The following EIPR1 variants were observed in gnomAD, a reference collection of about 807,000 sequenced individuals.
The protein encoded by EIPR1 is EARP complex and GARP complex interacting protein 1, also known as EARP and GARP complex-interacting protein 1.
A neutral mutation model predicts 48.1 loss-of-function variants in EIPR1; 25 were observed. The observed-to-expected ratio is 0.52, with a 90% CI of 0.38 to 0.73. The LOEUF (loss-of-function observed/expected upper bound fraction) is 0.73, where lower values mean the gene tolerates loss of function less well. Among genes scored for constraint, EIPR1 ranks in the 30% least tolerant of loss-of-function variants. The pLI is 0.00. For synonymous variants in EIPR1, 204 were observed against 201.9 expected, an observed-to-expected ratio of 1.01 and a Z score of -0.09; for missense variants, 415 against 506.2, an observed-to-expected ratio of 0.82 and a Z score of 1.73.
intron 4 of EIPR1, among the ~76,000 whole-genome samples, chr2:3,252,806 G>A (rs112559759): frequency 2.6e-4 from 39 of 152,120 alleles, no homozygotes; most frequent in Non-Finnish European, 4.0e-4. Context: ...GGGACCTGAG[G>A]GGCCCTTACA....
chr2:3,310,652 CAAAAAAA>C (rs751422009), intron 3 of EIPR1, among the ~76,000 whole-genome samples: 2 of 55,296 alleles, frequency 3.6e-5, no homozygotes, highest in African/African-American at 6.1e-5. Flanking sequence ...GACTCCGTCT[CAAAAAAA>C]AAAAAAAAAA....
chr2:3,191,999 C>T (rs1664621249), intron 8 of EIPR1, among the ~76,000 whole-genome samples: 1 of 152,156 alleles, frequency 6.6e-6, no homozygotes, highest in Admixed American at 6.5e-5. Context: ...AGCTGATGGC[C>T]AACAACCCGA....
chr2:3,192,884 A>C (rs1431725517), intron 7 of EIPR1, among the ~76,000 whole-genome samples: 1 of 152,142 alleles, frequency 6.6e-6, no homozygotes, highest in Non-Finnish European at 1.5e-5. Context: ...AAAAAAAAAA[A>C]ATACTGTCCC....
intron 3 of EIPR1, among the ~76,000 whole-genome samples, chr2:3,269,442 CCA>C (rs1667615099): frequency 2.1e-5 from 1 of 47,916 alleles, no homozygotes; most frequent in African/African-American, 8.9e-5. Context: ...TCAATCATCA[CCA>C]CACTCAATCA....
intron 3 of EIPR1, among the ~76,000 whole-genome samples, chr2:3,268,849 G>A (rs1184856954): frequency 6.6e-6 from 1 of 152,202 alleles, no homozygotes; most frequent in Non-Finnish European, 1.5e-5. Flanking sequence ...GCCGACTTTG[G>A]TGGGGCTTTT....
chr2:3,344,350 C>T (rs1474559667), intron 2 of EIPR1, among the ~76,000 whole-genome samples: 1 of 152,238 alleles, frequency 6.6e-6, no homozygotes, highest in Non-Finnish European at 1.5e-5. Flanking sequence ...GGGCCCATAT[C>T]GCTGCTTTTC....
At chr2:3,218,691 G>C (rs1213647181) in intron 4 of EIPR1, among the ~76,000 whole-genome samples, 784 of 63,354 alleles carry the variant, frequency 0.012, no homozygotes, top group Middle Eastern at 0.098. Flanking sequence ...GAGTCAGGTG[G>C]ACACCCAACA....
chr2:3,294,095 C>T (rs1413827787), intron 3 of EIPR1, among the ~76,000 whole-genome samples: 1 of 152,082 alleles, frequency 6.6e-6, no homozygotes, highest in African/African-American at 2.4e-5. Flanking sequence ...TTAACAAATA[C>T]ATTTAAAGTC....
rs1355318938 is a variant in EIPR1 at position 3,339,885 on chromosome 2, G to A, written c.127-1736C>T. On this transcript the variant is annotated intron_variant, in intron 2 of 8. Coordinates refer to ENST00000382125, the MANE Select transcript of EIPR1 (RefSeq NM_003310.5). ...GAATGGCGTGAACCCGGGAGGCGGA[G>A]CCTGCAGTGAGCCGAGATGGCGCCA... Among the ~76,000 whole-genome samples the A allele has an allele frequency of 3.9e-5, 6 of 152,366 alleles. 1 individual carries two copies. Among genetic ancestry groups the A allele is most frequent in the Admixed American group, 3.9e-4 (6 of 15,308 alleles).
At chr2:3,303,496 C>T (rs1332273263) in intron 3 of EIPR1, among the ~76,000 whole-genome samples, 1 of 152,254 alleles carries the variant, frequency 6.6e-6, no homozygotes, top group African/African-American at 2.4e-5. Context: ...GCAGTGGCAG[C>T]CCCCACTGTC....
At chr2:3,330,104 C>A (rs12623700) in intron 3 of EIPR1, among the ~76,000 whole-genome samples, 42,065 of 152,128 alleles carry the variant, frequency 0.28, 7,824 homozygotes, top group East Asian at 0.64. Flanking sequence ...TTCCCCTCGG[C>A]GAATTCCTGA....
chr2:3,217,069 G>A (rs781017604), intron 4 of EIPR1, among the ~76,000 whole-genome samples: 34 of 152,208 alleles, frequency 2.2e-4, no homozygotes, highest in Non-Finnish European at 4.4e-4. Context: ...AAATCCACAA[G>A]AGAACATAAT....
Position 3,194,168 on chromosome 2 carries a change from T to G in EIPR1, c.654-2A>C. On this transcript the variant is annotated splice_acceptor_variant, in intron 6 of 8. Transcript: ENST00000382125. LOFTEE classifies it high-confidence loss of function. The stretch of plus-strand genomic sequence containing the variant: ...GCATTCTCTATGCAGTAGATCTGGC[T>G]GAGGGAGAAGGAAGAACAGCAAAGG... 1 of 1,613,228 alleles carries G rather than the reference T, an allele frequency of 6.2e-7. No individual in the cohort carries two copies. Among genetic ancestry groups the G allele is most frequent in the Non-Finnish European group, 8.5e-7 (1 of 1,179,554 alleles).
At chr2:3,337,179 CG>C (rs762735739) in intron 3 of EIPR1, among the ~76,000 whole-genome samples, 3 of 152,022 alleles carry the variant, frequency 2.0e-5, no homozygotes, top group African/African-American at 7.2e-5. Flanking sequence ...ACACAGAACC[CG>C]GTGAAAGTGG....
At chr2:3,351,896 C>G (rs924593325) in intron 2 of EIPR1, among the ~76,000 whole-genome samples, 1 of 152,230 alleles carries the variant, frequency 6.6e-6, no homozygotes, top group African/African-American at 2.4e-5. Flanking sequence ...AAGTCTAAAT[C>G]ACATACCATT....
At chr2:3,369,988 C>A (rs1017618638) in intron 1 of EIPR1, among the ~76,000 whole-genome samples, 5 of 152,184 alleles carry the variant, frequency 3.3e-5, no homozygotes, top group Admixed American at 1.3e-4. Context: ...AGGCACCCCC[C>A]CCGTAGGGGC....
At chr2:3,217,616 C>T (rs1006828811) in intron 4 of EIPR1, among the ~76,000 whole-genome samples, 12 of 152,254 alleles carry the variant, frequency 7.9e-5, no homozygotes, top group African/African-American at 2.6e-4. Flanking sequence ...AAGAGATGTT[C>T]GTCACATCCC....
intron 3 of EIPR1, among the ~76,000 whole-genome samples, chr2:3,320,856 A>G (rs1669505263): frequency 6.6e-6 from 1 of 152,214 alleles, no homozygotes; most frequent in Admixed American, 6.5e-5. Flanking sequence ...TCAGCTGACA[A>G]TTTGGTTAGT....
At chr2:3,203,702 G>A (rs191587965) in intron 5 of EIPR1, among the ~76,000 whole-genome samples, 87 of 152,380 alleles carry the variant, frequency 5.7e-4, no homozygotes, top group Non-Finnish European at 8.5e-4. Context: ...GCCCCAGAGC[G>A]GCTGGCCTCT....
Sources: allele counts gnomAD v4.1 joint callset (sites outside exome capture counted in the v4.1 genomes callset), GRCh38; gene constraint gnomAD v4.1.1; transcripts MANE v1.5; gene names NCBI Gene and HGNC (gene_info 2026-07-23, HGNC 2026-07-21).